The following KCNAB1 variants were observed in gnomAD, a reference collection of about 807,000 sequenced individuals.
The protein encoded by KCNAB1 is potassium voltage-gated channel subfamily A regulatory beta subunit 1, also known as voltage-gated potassium channel subunit beta-1.
In KCNAB1, 35 loss-of-function variants were observed where a neutral mutation model predicts 64.6. That is an observed-to-expected ratio of 0.54 (90% confidence interval 0.41 to 0.72). The LOEUF (loss-of-function observed/expected upper bound fraction) is 0.72. Among genes scored for constraint, KCNAB1 ranks in the 30% least tolerant of loss-of-function variants. KCNAB1 has a pLI of 0.00. For synonymous variants in KCNAB1, 177 were observed against 183.8 expected (o/e 0.96, Z 0.30); for missense variants, 401 against 512.9 (o/e 0.78, Z 2.11).
At position 156,192,115 on chromosome 3, in the gene KCNAB1, G is replaced by A. The variant is rs558640634; in HGVS notation, c.275+71229G>A. 7.2e-5 allele frequency among the ~76,000 whole-genome samples: 11 copies of A among 152,218 alleles called. No homozygotes were observed. In the East Asian group the frequency reaches 9.6e-4, roughly 13 times the overall value. Reference sequence around the variant, plus strand: ...ACTTTATATAAATGAAATCATACATGTATACTCTTTTTTTGGTCTGGCTTC... The same window carrying A: ...ACTTTATATAAATGAAATCATACATATATACTCTTTTTTTGGTCTGGCTTC... On this transcript the variant is annotated intron_variant, in intron 1 of 13. Transcript: ENST00000490337.
intron 2 of KCNAB1, among the ~76,000 whole-genome samples, chr3:156,434,318 G>A (rs1307366919): frequency 6.6e-6 from 1 of 152,134 alleles, no homozygotes; most frequent in East Asian, 1.9e-4. Flanking sequence ...TCAACGACTT[G>A]AGTATTCTCA....
intron 1 of KCNAB1, among the ~76,000 whole-genome samples, chr3:156,160,451 C>G (rs1716009085): frequency 6.6e-6 from 1 of 152,146 alleles, no homozygotes; most frequent in South Asian, 2.1e-4. Context: ...CCTCCTTCTC[C>G]TCTTTCTCCT....
At chr3:156,275,041 G>A (rs534966048) in intron 1 of KCNAB1, among the ~76,000 whole-genome samples, 1 of 152,128 alleles carries the variant, frequency 6.6e-6, no homozygotes, top group African/African-American at 2.4e-5. Flanking sequence ...CCAGGCTCCT[G>A]GCAACCATCA....
chr3:156,191,922 G>A (rs1355845551), intron 1 of KCNAB1, among the ~76,000 whole-genome samples: 2 of 152,090 alleles, frequency 1.3e-5, no homozygotes, highest in South Asian at 2.1e-4. Flanking sequence ...TTCTCCAAAT[G>A]TTTTCCTTTA....
chr3:156,282,637 A>C (rs62286220), intron 1 of KCNAB1, among the ~76,000 whole-genome samples: 2,201 of 128,574 alleles, frequency 0.017, 55 homozygotes, highest in South Asian at 0.13. Flanking sequence ...TTGCTTTATG[A>C]ATCTTGGTGC....
At chr3:156,312,146 C>T (rs901567188) in intron 1 of KCNAB1, among the ~76,000 whole-genome samples, 2 of 152,166 alleles carry the variant, frequency 1.3e-5, no homozygotes, top group African/African-American at 4.8e-5. Context: ...TGCACAATTG[C>T]AGTGTTAAAT....
At chr3:156,120,235 A>G (rs749513842), upstream of KCNAB1, among the ~76,000 whole-genome samples, 19 of 152,200 alleles carry the variant, frequency 1.2e-4, no homozygotes, top group Non-Finnish European at 2.5e-4. Flanking sequence ...TAACTCTAAC[A>G]TGATTATCGA....
At chr3:156,234,055 A>T (rs1716705314) in intron 1 of KCNAB1, among the ~76,000 whole-genome samples, 1 of 152,076 alleles carries the variant, frequency 6.6e-6, no homozygotes. Flanking sequence ...ATCAGCTCAT[A>T]CATGATTCTG....
rs189056376 is a variant in KCNAB1, at chr3:156,349,125, A to G, written c.276-72491A>G. Among the ~76,000 whole-genome samples the G allele has an allele frequency of 1.5e-4, 23 of 152,344 alleles. No homozygotes were observed. The East Asian group carries it at 4.4e-3, about 29-fold the overall frequency. On this transcript the variant is annotated intron_variant, in intron 1 of 13. Transcript: ENST00000490337. The stretch of plus-strand genomic sequence containing the variant: ...CACACGCTTAGTTATGCAGCTTCTG[A>G]ATTTTCAACCACTTTATTATATCAC...
intron 1 of KCNAB1, among the ~76,000 whole-genome samples, chr3:156,390,029 G>C (rs6765899): frequency 0.11 from 17,018 of 152,146 alleles, 3,145 homozygotes; most frequent in African/African-American, 0.39. Context: ...ATCATTTTTG[G>C]ACAAACTACA....
chr3:156,225,405 T>C (rs1252821458), intron 1 of KCNAB1, among the ~76,000 whole-genome samples: 2 of 152,182 alleles, frequency 1.3e-5, no homozygotes, highest in Non-Finnish European at 2.9e-5. Context: ...AAAATCGGCA[T>C]AGAAGGGACA....
chr3:156,259,064 C>T (rs1193339869), intron 1 of KCNAB1, among the ~76,000 whole-genome samples: 3 of 152,194 alleles, frequency 2.0e-5, no homozygotes, highest in African/African-American at 4.8e-5. Context: ...GTAAATGAAC[C>T]TAGCAACATT....
intron 2 of KCNAB1, among the ~76,000 whole-genome samples, chr3:156,447,541 A>G (rs1711655672): frequency 6.6e-6 from 1 of 152,164 alleles, no homozygotes; most frequent in African/African-American, 2.4e-5. Context: ...TGATAGCTAT[A>G]ATAATATATT....
At chr3:156,274,747 G>A (rs1027480182) in intron 1 of KCNAB1, among the ~76,000 whole-genome samples, 5 of 152,138 alleles carry the variant, frequency 3.3e-5, no homozygotes, top group East Asian at 1.9e-4. Context: ...GTAAAATTAC[G>A]TACATTTAAG....
At chr3:156,534,606 T>C (rs2108431564) in intron 13 of KCNAB1, among the ~76,000 whole-genome samples, 1 of 152,278 alleles carries the variant, frequency 6.6e-6, no homozygotes, top group Admixed American at 6.5e-5. Context: ...GCGATAACAG[T>C]GGCCCTCTGC....
At chr3:156,356,185 A>AG in intron 1 of KCNAB1, among the ~76,000 whole-genome samples, 1 of 149,730 alleles carries the variant, frequency 6.7e-6, no homozygotes, top group South Asian at 2.1e-4. Context: ...AAAAAGAAAA[A>AG]GAAAGAAAGA....
At chr3:156,239,452 C>A (rs1019332588) in intron 1 of KCNAB1, among the ~76,000 whole-genome samples, 14 of 152,140 alleles carry the variant, frequency 9.2e-5, no homozygotes, top group African/African-American at 3.1e-4. Context: ...AGAGGTCAAC[C>A]TTTCCCCATT....
At chr3:156,137,020 T>G (rs888279188) in intron 1 of KCNAB1, among the ~76,000 whole-genome samples, 1 of 151,734 alleles carries the variant, frequency 6.6e-6, no homozygotes, top group Non-Finnish European at 1.5e-5. Flanking sequence ...CTCATTTTTT[T>G]CTTTTTTTTT....
chr3:156,269,176 A>G (rs1049302032), intron 1 of KCNAB1, among the ~76,000 whole-genome samples: 21 of 152,146 alleles, frequency 1.4e-4, no homozygotes, highest in African/African-American at 4.8e-4. Flanking sequence ...CTGTAGATGT[A>G]TGGATTTGTT....
Sources: gnomAD v4.1 joint callset for allele counts (sites outside exome capture counted in the v4.1 genomes callset) on GRCh38, gnomAD v4.1.1 for gene constraint, MANE v1.5 for transcripts, NCBI Gene and HGNC (gene_info 2026-07-23, HGNC 2026-07-21) for gene names.